Variants in TMC2 observed in about 807,000 individuals in gnomAD.
The protein encoded by TMC2 is transmembrane channel like 2.
Under a neutral mutation model 105.9 loss-of-function variants are expected in TMC2, and 102 were observed. The observed-to-expected ratio is 0.96, with a 90% CI of 0.82 to 1.14. TMC2 has a LOEUF of 1.14. Among genes scored for constraint, TMC2 ranks in the 50% most tolerant of loss-of-function variants. The pLI is 0.00. For synonymous variants in TMC2, 402 were observed against 422.8 expected (o/e 0.95, Z 0.60); for missense variants, 1,093 against 1,134.3 (o/e 0.96, Z 0.52).
chr20:2,611,897 G>GATGA (rs2086443106), intron 12 of TMC2, among the ~76,000 whole-genome samples: 1 of 146,590 alleles, frequency 6.8e-6, no homozygotes, highest in Non-Finnish European at 1.6e-5. Flanking sequence ...TGGATGGATG[G>GATGA]ATGGATGGAT....
rs868391384 is a variant in TMC2 at position 2,592,489 on chromosome 20, G to A, written c.933+81G>A. 53 of 985,974 alleles carry A rather than the reference G, an allele frequency of 5.4e-5. No individual in the cohort carries two copies. The Middle Eastern group carries it at 8.4e-4, about 16-fold the overall frequency. 61.1% of individuals were successfully genotyped at this position (985,974 alleles called of 1,614,324 possible). ...TGCATGGATAAGTATGAAATAGTGC[G>A]TTTAATTATTGAAAAACCATTGCTT... On this transcript the variant is annotated intron_variant, in intron 8 of 19. Coordinates refer to ENST00000358864, the MANE Select transcript of TMC2 (RefSeq NM_080751.3). This position sits in a 1 kb window ranked among gnomAD's most constrained non-coding sequence, Gnocchi z 4.9.
intron 2 of TMC2, among the ~76,000 whole-genome samples, chr20:2,545,910 AAG>A (rs1177976556): frequency 3.4e-5 from 5 of 148,496 alleles, no homozygotes; most frequent in East Asian, 3.9e-4. Flanking sequence ...GAAAGAAAAA[AAG>A]AAAGAAATGA....
At position 2,641,850 on chromosome 20, in the gene TMC2, G is replaced by C. The variant is rs1007493630; in HGVS notation, c.*499G>C. The C allele has an allele frequency of 1.9e-5, 3 of 155,096 alleles. No homozygotes were observed. Among genetic ancestry groups the C allele is most frequent in the African/African-American group, 7.3e-5 (3 of 41,350 alleles). The allele number at this position is 155,096 out of a possible 1,614,324, so 9.6% of individuals were successfully genotyped here. A position where few individuals can be genotyped will look rare whatever the true frequency, so the allele number is the denominator to read the frequency against. On this transcript the variant is annotated 3_prime_UTR_variant, in exon 20 of 20. Coordinates refer to ENST00000358864, the MANE Select transcript of TMC2 (RefSeq NM_080751.3). ...CTCACACCTGTAGTCCCAGCACTTT[G>C]GGAGACCAAGGTGGGTGGATCGCTT...
chr20:2,566,007 C>T (rs1048243288), intron 4 of TMC2, among the ~76,000 whole-genome samples: 2 of 152,140 alleles, frequency 1.3e-5, no homozygotes, highest in African/African-American at 4.8e-5. Context: ...CGCTGCACTC[C>T]AGCCTTGGTG....
intron 2 of TMC2, among the ~76,000 whole-genome samples, chr20:2,543,111 C>T (rs554399761): frequency 2.7e-4 from 41 of 151,922 alleles, no homozygotes; most frequent in Non-Finnish European, 4.9e-4. Flanking sequence ...GTGGCATACA[C>T]CTGTAATCCC....
chr20:2,572,441 A>G (rs975626084), intron 5 of TMC2, among the ~76,000 whole-genome samples, 172 bp downstream of exon 5: 2 of 152,226 alleles, frequency 1.3e-5, no homozygotes, highest in Admixed American at 1.3e-4. Context: ...AACCAATCGT[A>G]TCCTGCCAAT....
At chr20:2,634,174 G>A (rs1045578199) in intron 17 of TMC2, among the ~76,000 whole-genome samples, 27 of 152,260 alleles carry the variant, frequency 1.8e-4, no homozygotes, top group African/African-American at 5.5e-4. Context: ...TGATGAAGCC[G>A]GCCTCCCCCA....
At chr20:2,548,891 C>T (rs900392204) in intron 2 of TMC2, among the ~76,000 whole-genome samples, 1 of 152,186 alleles carries the variant, frequency 6.6e-6, no homozygotes, top group East Asian at 1.9e-4. Flanking sequence ...GATCAAGGAA[C>T]CTATATAAGT....
intron 19 of TMC2, among the ~76,000 whole-genome samples, chr20:2,640,519 G>C (rs1384126313): frequency 6.6e-6 from 1 of 152,108 alleles, no homozygotes; most frequent in African/African-American, 2.4e-5. Context: ...GGGGACCCTG[G>C]CTCCTTCCAT....
intron 2 of TMC2, among the ~76,000 whole-genome samples, chr20:2,548,270 GT>G (rs1448561991): frequency 6.6e-6 from 1 of 152,176 alleles, no homozygotes; most frequent in Non-Finnish European, 1.5e-5. Flanking sequence ...TCTGTGGCAT[GT>G]TTTAAAAAAA....
chr20:2,614,303 A>G (rs2086464601), intron 14 of TMC2, among the ~76,000 whole-genome samples: 1 of 152,204 alleles, frequency 6.6e-6, no homozygotes, highest in Non-Finnish European at 1.5e-5. Context: ...ATCCAGAAAA[A>G]ATATTTAAAA....
rs758748501 is a variant in TMC2, at chr20:2,637,445, C to A, written c.2386-29C>A. On this transcript the variant is annotated intron_variant, in intron 18 of 19. Coordinates refer to ENST00000358864, the MANE Select transcript of TMC2 (RefSeq NM_080751.3). ...AGCCTCAAAGACCCATTTCCTGGGC[C>A]AGGACCAACAGTTCATTATTTCCTG... 9 of 1,497,614 alleles carry A rather than the reference C, an allele frequency of 6.0e-6. No homozygotes were observed. The Admixed American group carries it at 1.3e-4, about 22-fold the overall frequency. The allele number at this position is 1,497,614 out of a possible 1,614,324, so 92.8% of individuals were successfully genotyped here. A position where few individuals can be genotyped will look rare whatever the true frequency, so the allele number is the denominator to read the frequency against.
chr20:2,634,207 C>T (rs541827330), intron 17 of TMC2, among the ~76,000 whole-genome samples: 5 of 152,284 alleles, frequency 3.3e-5, no homozygotes, highest in African/African-American at 4.8e-5. Context: ...GTTTCCTGCC[C>T]GCTGCTCAAA....
rs1377669332 is a variant in TMC2 at position 2,558,938 on chromosome 20, T to C, written c.401+164T>C. 1.3e-5 allele frequency among the ~76,000 whole-genome samples: 2 copies of C among 152,174 alleles called. No individual in the cohort carries two copies. Among genetic ancestry groups the C allele is most frequent in the African/African-American group, 4.8e-5 (2 of 41,460 alleles). On this transcript the variant is annotated intron_variant, in intron 3 of 19. Coordinates refer to ENST00000358864, the MANE Select transcript of TMC2 (RefSeq NM_080751.3). The surrounding 1 kb of genome is among the most constrained non-coding windows in gnomAD (Gnocchi z 4.6). ...CCCAGCCCTTACCACTGCCCCACTC[T>C]GCGGTGGGTTCTTCATCCCAGAACC...
intron 7 of TMC2, among the ~76,000 whole-genome samples, chr20:2,588,691 TTGTGTG>T (rs57035040): frequency 4.2e-5 from 6 of 143,480 alleles, no homozygotes; most frequent in South Asian, 2.3e-4. Context: ...GCATGTGTCT[TTGTGTG>T]TGTGTGTGTG....
intron 4 of TMC2, among the ~76,000 whole-genome samples, chr20:2,570,234 C>T (rs2086093782): frequency 6.6e-6 from 1 of 152,008 alleles, no homozygotes; most frequent in South Asian, 2.1e-4. Context: ...TGATTCTCTA[C>T]CTAGAAAACC....
intron 4 of TMC2, among the ~76,000 whole-genome samples, chr20:2,567,776 CA>C (rs1392471924): frequency 1.3e-5 from 2 of 151,368 alleles, no homozygotes; most frequent in Non-Finnish European, 2.9e-5. Flanking sequence ...AAAACAGTCT[CA>C]GAAAAAAAAT....
intron 4 of TMC2, among the ~76,000 whole-genome samples, chr20:2,563,203 T>G (rs1468045873): frequency 6.6e-6 from 1 of 152,158 alleles, no homozygotes; most frequent in Admixed American, 6.5e-5. Context: ...TTGGCAGCCA[T>G]GTTTTTGCAG....
At chr20:2,548,401 G>C (rs1018721279) in intron 2 of TMC2, among the ~76,000 whole-genome samples, 4 of 152,196 alleles carry the variant, frequency 2.6e-5, no homozygotes, top group Non-Finnish European at 5.9e-5. Context: ...CACTTTGGGA[G>C]GCCAAGGCAG....
Sources: allele counts gnomAD v4.1 joint callset (sites outside exome capture counted in the v4.1 genomes callset), GRCh38; gene constraint gnomAD v4.1.1; non-coding constraint Gnocchi (gnomAD v3.1); transcripts MANE v1.5; gene names NCBI Gene and HGNC (gene_info 2026-07-23, HGNC 2026-07-21).